The following ARB2A variants were observed in gnomAD, a reference collection of about 807,000 sequenced individuals.
The protein encoded by ARB2A is cotranscriptional regulator ARB2A.
At chr5:93,777,462 CA>C in the ARB2A span, among the ~76,000 whole-genome samples, 2 of 152,048 alleles carry the variant, frequency 1.3e-5, no homozygotes, top group Admixed American at 1.3e-4. Context: ...TCCTTTTATA[CA>C]TTTTAAGTCT....
At chr5:94,008,330 AAAG>A in the ARB2A span, among the ~76,000 whole-genome samples, 1 of 152,238 alleles carries the variant, frequency 6.6e-6, no homozygotes, top group Non-Finnish European at 1.5e-5. Flanking sequence ...CACTTTGCCA[AAAG>A]AAGTTCTTTG....
the ARB2A span, among the ~76,000 whole-genome samples, chr5:94,032,696 C>T: frequency 6.6e-6 from 1 of 152,156 alleles, no homozygotes; most frequent in East Asian, 1.9e-4. Context: ...ACCAAGAGAG[C>T]CCATCCCTCA....
At chr5:93,951,424 T>G in the ARB2A span, among the ~76,000 whole-genome samples, 2 of 152,204 alleles carry the variant, frequency 1.3e-5, no homozygotes, top group African/African-American at 4.8e-5. Flanking sequence ...CCTGGAGAGT[T>G]TCTTTAATGT....
chr5:93,685,462 T>C, the ARB2A span, among the ~76,000 whole-genome samples: 1 of 152,188 alleles, frequency 6.6e-6, no homozygotes, highest in African/African-American at 2.4e-5. Context: ...TTCCACTGTA[T>C]TTTCCAGACT....
At chr5:94,050,951 T>G in the ARB2A span, 1 of 697,004 alleles carries the variant, frequency 1.4e-6, no homozygotes, top group East Asian at 3.0e-5. Flanking sequence ...GTTTATCTTT[T>G]TCATTAGATT....
the ARB2A span, among the ~76,000 whole-genome samples, chr5:94,057,651 G>A: frequency 6.6e-6 from 1 of 152,076 alleles, no homozygotes; most frequent in African/African-American, 2.4e-5. Flanking sequence ...TTCTACTTCT[G>A]GCCAAAACAG....
At chr5:93,794,105 T>C in the ARB2A span, among the ~76,000 whole-genome samples, 36 of 152,164 alleles carry the variant, frequency 2.4e-4, 1 homozygote, top group African/African-American at 8.2e-4. Flanking sequence ...ACAGAAATTA[T>C]AGCATTTGTT....
chr5:93,954,017 G>C, the ARB2A span, among the ~76,000 whole-genome samples: 1 of 152,108 alleles, frequency 6.6e-6, no homozygotes, highest in African/African-American at 2.4e-5. Flanking sequence ...TCTCCTGTAA[G>C]GGCAGTGGGC....
chr5:93,799,498 G>T, the ARB2A span, among the ~76,000 whole-genome samples: 1 of 152,008 alleles, frequency 6.6e-6, no homozygotes, highest in South Asian at 2.1e-4. Flanking sequence ...ACAGCACAGT[G>T]GTGTGATGTT....
the ARB2A span, among the ~76,000 whole-genome samples, chr5:93,793,756 G>A: frequency 1.3e-5 from 2 of 152,110 alleles, no homozygotes. Context: ...AAGGTGTGTC[G>A]TTACAATCAA....
chr5:93,768,671 C>T, the ARB2A span, among the ~76,000 whole-genome samples: 28 of 151,940 alleles, frequency 1.8e-4, no homozygotes, highest in Non-Finnish European at 3.5e-4. Context: ...GCCTTAAACT[C>T]CTGGGTTTAG....
chr5:94,107,362 T>A, the ARB2A span, among the ~76,000 whole-genome samples: 2 of 152,280 alleles, frequency 1.3e-5, no homozygotes, highest in African/African-American at 4.8e-5. Context: ...AGTAAATTAA[T>A]CAATTTTAAT....
the ARB2A span, among the ~76,000 whole-genome samples, chr5:93,799,132 T>C: frequency 1.2e-4 from 19 of 152,250 alleles, no homozygotes; most frequent in African/African-American, 4.3e-4. Context: ...CTGATGAACA[T>C]CTCAGTCATA....
At chr5:94,042,463 G>A in the ARB2A span, among the ~76,000 whole-genome samples, 1 of 151,794 alleles carries the variant, frequency 6.6e-6, no homozygotes, top group Admixed American at 6.6e-5. Context: ...CCGCCACCAC[G>A]CCTGGCTAAT....
At chr5:93,821,322 G>T in the ARB2A span, among the ~76,000 whole-genome samples, 340 of 152,208 alleles carry the variant, frequency 2.2e-3, no homozygotes, top group African/African-American at 7.8e-3. Flanking sequence ...GTTTGTGTGT[G>T]TATGTGTGTG....
chr5:93,897,401 A>T, the ARB2A span, among the ~76,000 whole-genome samples: 2 of 151,950 alleles, frequency 1.3e-5, no homozygotes, highest in African/African-American at 2.4e-5. Flanking sequence ...AAACATAAAA[A>T]TTTTTGGAAA....
At chr5:94,008,958 C>T in the ARB2A span, among the ~76,000 whole-genome samples, 1 of 151,980 alleles carries the variant, frequency 6.6e-6, no homozygotes, top group Non-Finnish European at 1.5e-5. Context: ...CTTTTGATAA[C>T]ATTTTAGCAA....
At chr5:93,773,062 A>T in the ARB2A span, among the ~76,000 whole-genome samples, 2 of 152,228 alleles carry the variant, frequency 1.3e-5, no homozygotes, top group Non-Finnish European at 2.9e-5. Context: ...ATTTACCCCA[A>T]TTCTGGGAAT....
chr5:93,919,186 T>A, the ARB2A span, among the ~76,000 whole-genome samples: 2 of 152,152 alleles, frequency 1.3e-5, no homozygotes, highest in Non-Finnish European at 2.9e-5. Context: ...TTCAATCACA[T>A]ATATTGTTGG....
Sources: allele counts gnomAD v4.1 joint callset (sites outside exome capture counted in the v4.1 genomes callset), GRCh38; gene constraint gnomAD v4.1.1; transcripts MANE v1.5; gene names NCBI Gene and HGNC (gene_info 2026-07-23, HGNC 2026-07-21).